HIVEP3: variants seen among roughly 807,000 people sequenced by gnomAD.
HIVEP3 encodes transcription factor HIVEP3.
Under a neutral mutation model 152.8 loss-of-function variants are expected in HIVEP3, and 49 were observed. The ratio of observed to expected loss-of-function variants is 0.32; its 90% CI spans 0.26 to 0.41. The LOEUF (loss-of-function observed/expected upper bound fraction) is 0.41. Ranked by LOEUF, HIVEP3 falls within the 10% of genes least tolerant of loss-of-function variation. The pLI, the probability that HIVEP3 is intolerant of heterozygous loss-of-function variation, is 1.00. For missense variants in HIVEP3, 2,790 were observed against 3,103.3 expected (o/e 0.90, Z 2.40); for synonymous variants, 1,269 against 1,289.0 (o/e 0.98, Z 0.33).
intron 7 of HIVEP3, among the ~76,000 whole-genome samples, chr1:41,514,779 G>A (rs547398118): frequency 1.1e-3 from 164 of 152,340 alleles, no homozygotes; most frequent in Non-Finnish European, 2.0e-3. Context: ...AAACAAAATT[G>A]TGATACTTGT....
chr1:41,914,124 C>T (rs1462756354), intron 1 of HIVEP3, among the ~76,000 whole-genome samples: 2 of 152,152 alleles, frequency 1.3e-5, no homozygotes, highest in Non-Finnish European at 2.9e-5. Flanking sequence ...AGGGGAGACC[C>T]ATCAGTCATG....
chr1:41,828,997 C>T (rs904811760), intron 1 of HIVEP3, among the ~76,000 whole-genome samples: 2 of 152,220 alleles, frequency 1.3e-5, no homozygotes, highest in African/African-American at 4.8e-5. Flanking sequence ...AGGCAGAGTT[C>T]ACCTGAGCTG....
chr1:41,515,728 G>A (rs898807343), intron 7 of HIVEP3, among the ~76,000 whole-genome samples: 8 of 152,182 alleles, frequency 5.3e-5, no homozygotes, highest in Non-Finnish European at 1.2e-4. Context: ...GCTGTGTGAC[G>A]TTGGATACTT....
intron 3 of HIVEP3, among the ~76,000 whole-genome samples, chr1:41,625,498 A>G (rs149656714): frequency 3.9e-5 from 6 of 152,348 alleles, no homozygotes; most frequent in East Asian, 1.9e-4. Context: ...TCAGATTTCA[A>G]TGTGTTTGTG....
At chr1:41,719,309 G>C (rs1438067802) in intron 1 of HIVEP3, among the ~76,000 whole-genome samples, 1 of 152,248 alleles carries the variant, frequency 6.6e-6, no homozygotes, top group Non-Finnish European at 1.5e-5. Context: ...AGACAGTGAA[G>C]CTCCTCTTAC....
chr1:41,840,044 C>T (rs1366328461), intron 1 of HIVEP3, among the ~76,000 whole-genome samples: 1 of 152,106 alleles, frequency 6.6e-6, no homozygotes, highest in Non-Finnish European at 1.5e-5. Context: ...TCAGGAAGAT[C>T]GACTGCACAG....
intron 1 of HIVEP3, among the ~76,000 whole-genome samples, chr1:41,981,213 C>A (rs1455273318): frequency 6.6e-6 from 1 of 152,162 alleles, no homozygotes; most frequent in Non-Finnish European, 1.5e-5. Flanking sequence ...CCAAAGGGAG[C>A]AAGCTCTTAC....
intron 2 of HIVEP3, among the ~76,000 whole-genome samples, chr1:41,683,599 G>T (rs911247024): frequency 6.6e-6 from 1 of 152,216 alleles, no homozygotes; most frequent in Admixed American, 6.5e-5. Context: ...GTTATTGCCT[G>T]GCTCAGGGCT....
chr1:41,852,370 G>A (rs868119872), intron 1 of HIVEP3, among the ~76,000 whole-genome samples: 3 of 152,230 alleles, frequency 2.0e-5, no homozygotes, highest in African/African-American at 4.8e-5. Flanking sequence ...CACCGTCATC[G>A]GCCCTGAGCC....
intron 1 of HIVEP3, among the ~76,000 whole-genome samples, chr1:41,972,794 T>C (rs1392865876): frequency 6.6e-6 from 1 of 152,228 alleles, no homozygotes; most frequent in Non-Finnish European, 1.5e-5. Flanking sequence ...AGATGCTAAA[T>C]AAATATTTAC....
chr1:41,745,562 G>A (rs992326359), intron 1 of HIVEP3, among the ~76,000 whole-genome samples: 4 of 152,214 alleles, frequency 2.6e-5, no homozygotes, highest in Non-Finnish European at 2.9e-5. Flanking sequence ...ATCCACAGTC[G>A]AGAGCACAGG....
At chr1:41,594,618 C>G (rs980212519) in intron 3 of HIVEP3, among the ~76,000 whole-genome samples, 2 of 152,198 alleles carry the variant, frequency 1.3e-5, no homozygotes, top group Non-Finnish European at 2.9e-5. Flanking sequence ...GACTATTTTT[C>G]TGGTTTACAT....
chr1:41,569,724 C>T (rs1317774301), intron 5 of HIVEP3, among the ~76,000 whole-genome samples: 2 of 151,982 alleles, frequency 1.3e-5, no homozygotes, highest in East Asian at 1.9e-4. Context: ...TATGTGTGCA[C>T]ATACACAGGC....
chr1:41,913,167 T>C (rs1644822497), intron 1 of HIVEP3, among the ~76,000 whole-genome samples: 1 of 152,210 alleles, frequency 6.6e-6, no homozygotes, highest in Admixed American at 6.5e-5. Flanking sequence ...AAATAATTGG[T>C]AGCCTGTGAA....
chr1:41,513,391 G>C lies in HIVEP3; in HGVS notation c.5830C>G (p.Pro1944Ala), dbSNP rs764848883. 1 of 1,611,934 alleles carries C rather than the reference G, an allele frequency of 6.2e-7. No homozygotes were observed. Among genetic ancestry groups the C allele is most frequent in the Non-Finnish European group, 8.5e-7 (1 of 1,179,206 alleles). The change falls in exon 8 of 9, where the codon CCG becomes GCG. Residue 1944 changes from proline (P) to alanine (A), a missense_variant. Around this residue, in one of 9 missense-constraint regions of HIVEP3, gnomAD observed 816 missense variants for 806.5 expected, o/e 1.01. Coordinates refer to ENST00000372583, the MANE Select transcript of HIVEP3 (RefSeq NM_024503.5). ...TTCTCCACAGAGCCCAGAGGGGCCG[G>C]TCCCAGCCAGGGGAGGCCCGGCATG... ...QSMPGLPWLGPAPLGSVEKDT... is the reference protein window; with the variant it reads ...QSMPGLPWLGAAPLGSVEKDT...
chr1:41,760,018 G>A (rs1457554851), intron 1 of HIVEP3, among the ~76,000 whole-genome samples: 1 of 152,084 alleles, frequency 6.6e-6, no homozygotes, highest in Non-Finnish European at 1.5e-5. Context: ...TATAAAATGG[G>A]GTGAATAAGC....
intron 1 of HIVEP3, among the ~76,000 whole-genome samples, chr1:41,786,806 C>T (rs1649375505): frequency 6.7e-6 from 1 of 149,382 alleles, no homozygotes; most frequent in Non-Finnish European, 1.5e-5. Context: ...AGCTGGAGTA[C>T]AGTGGCAGGA....
intron 1 of HIVEP3, among the ~76,000 whole-genome samples, chr1:41,798,787 T>C (rs193036342): frequency 6.6e-6 from 1 of 152,252 alleles, no homozygotes; most frequent in African/African-American, 2.4e-5. Flanking sequence ...CATTTTGTCA[T>C]AGAGCTCACT....
At position 41,584,874 on chromosome 1, in the gene HIVEP3, AGGAGG is replaced by A; in HGVS notation, c.-82_-78del. 7.4e-7 allele frequency: 1 copy of A among 1,343,244 alleles called. No homozygotes were observed. The highest frequency in any genetic ancestry group is 1.5e-5 in the African/African-American group (1 of 68,338). 83.2% of individuals were successfully genotyped at this position (1,343,244 alleles called of 1,614,324 possible). A position where few individuals can be genotyped will look rare whatever the true frequency, so the allele number is the denominator to read the frequency against. On this transcript the variant is annotated 5_prime_UTR_variant, in exon 4 of 9. An upstream open reading frame in the 5' UTR loses its in-frame stop. Transcript: ENST00000372583. The surrounding 1 kb of genome is among the most constrained non-coding windows in gnomAD (Gnocchi z 5.2). ...ATTTATGAATAATCCCAGTGTCCCA[AGGAGG>A]TGTCCAGCTTTGGCCACATTGGTCA...
Sources: allele counts gnomAD v4.1 joint callset (sites outside exome capture counted in the v4.1 genomes callset), GRCh38; gene constraint gnomAD v4.1.1; regional missense constraint gnomAD v4.1.1; non-coding constraint Gnocchi (gnomAD v3.1); transcripts MANE v1.5; gene names NCBI Gene and HGNC (gene_info 2026-07-23, HGNC 2026-07-21).